HS6ST3: variants seen among roughly 807,000 people sequenced by gnomAD.
HS6ST3 encodes the protein heparan sulfate 6-O-sulfotransferase 3.
A neutral mutation model predicts 36.7 loss-of-function variants in HS6ST3; 12 were observed. The observed-to-expected ratio is 0.33, with a 90% CI of 0.21 to 0.53. The LOEUF (loss-of-function observed/expected upper bound fraction) is 0.53. Ranked by LOEUF, HS6ST3 falls within the 20% of genes least tolerant of loss-of-function variation. The pLI, the probability that HS6ST3 is intolerant of heterozygous loss-of-function variation, is 0.95. For missense variants in HS6ST3, 584 were observed against 640.9 expected (o/e 0.91, Z 0.96); for synonymous variants, 240 against 257.5 (o/e 0.93, Z 0.65).
chr13:96,347,857 C>T (rs950282989), intron 1 of HS6ST3, among the ~76,000 whole-genome samples: 3 of 152,170 alleles, frequency 2.0e-5, no homozygotes, highest in East Asian at 1.9e-4. Context: ...CTGAGTACGC[C>T]GCTCTGTGCT....
chr13:96,796,580 T>C (rs1011753182), intron 1 of HS6ST3, among the ~76,000 whole-genome samples: 6 of 152,236 alleles, frequency 3.9e-5, no homozygotes, highest in Admixed American at 6.5e-5. Flanking sequence ...GCTTTGGTGA[T>C]GGAGAAATAA....
rs190408322 is a variant in HS6ST3 at position 96,586,233 on chromosome 13, G to A, written c.708-246257G>A. Among the ~76,000 whole-genome samples, 3 of 151,766 alleles carry A rather than the reference G, an allele frequency of 2.0e-5. No individual in the cohort carries two copies. The East Asian group carries it at 5.8e-4, about 29-fold the overall frequency. ...TGGAGTAAAAAGATATCTTATTATG[G>A]CTTTGATTTAAATTTCCCTGATTAG... is the stretch of plus-strand genomic sequence containing the variant. On this transcript the variant is annotated intron_variant, in intron 1 of 1. Coordinates refer to ENST00000376705, the MANE Select transcript of HS6ST3 (RefSeq NM_153456.4).
chr13:96,595,178 T>C (rs935559475), intron 1 of HS6ST3, among the ~76,000 whole-genome samples: 3 of 152,162 alleles, frequency 2.0e-5, no homozygotes, highest in Non-Finnish European at 2.9e-5. Context: ...CCTGAGTGGC[T>C]GAAACTACAG....
rs115870354 is a variant in HS6ST3 at position 96,739,080 on chromosome 13, C to T, written c.708-93410C>T. On this transcript the variant is annotated intron_variant, in intron 1 of 1. Transcript: ENST00000376705. ...TTTCTTCCTTTGGCTTTCAGGACAC[C>T]GCACACATTTTTTTTTTCTTCCCCT... Among the ~76,000 whole-genome samples, 286 of 151,984 alleles carry T rather than the reference C, an allele frequency of 1.9e-3. 1 individual carries two copies. The highest frequency in any genetic ancestry group is 5.0e-3 in the African/African-American group (209 of 41,464).
At chr13:96,711,514 G>A (rs1189813392) in intron 1 of HS6ST3, among the ~76,000 whole-genome samples, 1 of 152,060 alleles carries the variant, frequency 6.6e-6, no homozygotes, top group Non-Finnish European at 1.5e-5. Context: ...TAGCATATAG[G>A]CGATTGTGAT....
intron 1 of HS6ST3, among the ~76,000 whole-genome samples, chr13:96,825,776 T>C (rs531985779): frequency 6.6e-6 from 1 of 152,218 alleles, no homozygotes; most frequent in Non-Finnish European, 1.5e-5. Flanking sequence ...AATGAACGTT[T>C]AGTGAAACAC....
At chr13:96,350,392 A>T (rs2055175809) in intron 1 of HS6ST3, among the ~76,000 whole-genome samples, 1 of 152,360 alleles carries the variant, frequency 6.6e-6, no homozygotes, top group South Asian at 2.1e-4. Flanking sequence ...AATGTTGCTC[A>T]AACCTGCTCA....
intron 1 of HS6ST3, among the ~76,000 whole-genome samples, chr13:96,107,194 TG>T (rs1177265478): frequency 6.6e-6 from 1 of 152,096 alleles, no homozygotes; most frequent in African/African-American, 2.4e-5. Flanking sequence ...GATGATAGTA[TG>T]GGGGTTGTAG....
intron 1 of HS6ST3, among the ~76,000 whole-genome samples, chr13:96,743,967 T>C (rs558089524): frequency 1.3e-5 from 2 of 152,176 alleles, no homozygotes; most frequent in South Asian, 4.1e-4. Flanking sequence ...CTTCTCTTTT[T>C]GAATTTTCAC....
rs1393562382 is a variant in HS6ST3 at position 96,837,129 on chromosome 13, AG to A, written c.*3932del. 2.6e-5 allele frequency: 4 copies of A among 152,250 alleles called. No individual in the cohort carries two copies. Among genetic ancestry groups the A allele is most frequent in the African/African-American group, 9.6e-5 (4 of 41,458 alleles). 9.4% of individuals were successfully genotyped at this position (152,250 alleles called of 1,614,324 possible). On this transcript the variant is annotated 3_prime_UTR_variant, in exon 2 of 2. Transcript: ENST00000376705. ...TAAGCATAGGAGGTTCTGTTATTAA[AG>A]AAACAATGTGAAATAATGTGGAAAT...
intron 1 of HS6ST3, among the ~76,000 whole-genome samples, chr13:96,618,271 A>C (rs2056481769): frequency 6.6e-6 from 1 of 151,882 alleles, no homozygotes; most frequent in African/African-American, 2.4e-5. Flanking sequence ...GATAATTTTA[A>C]ATTTTTTTTT....
chr13:96,569,452 A>T (rs2056293390), intron 1 of HS6ST3, among the ~76,000 whole-genome samples: 1 of 152,190 alleles, frequency 6.6e-6, no homozygotes. Context: ...TAGTACTATC[A>T]TTGATCCAGC....
chr13:96,496,116 C>T (rs2055974307), intron 1 of HS6ST3, among the ~76,000 whole-genome samples: 1 of 152,312 alleles, frequency 6.6e-6, no homozygotes, highest in East Asian at 1.9e-4. Context: ...CAGTAAAGGG[C>T]AGGAACTGTG....
At chr13:96,109,431 T>C (rs566204899) in intron 1 of HS6ST3, among the ~76,000 whole-genome samples, 1 of 152,330 alleles carries the variant, frequency 6.6e-6, no homozygotes, top group African/African-American at 2.4e-5. Flanking sequence ...TGAGATGGGC[T>C]GGAAGAAGGA....
At chr13:96,450,110 C>T (rs1032612043) in intron 1 of HS6ST3, among the ~76,000 whole-genome samples, 1 of 152,116 alleles carries the variant, frequency 6.6e-6, no homozygotes, top group Non-Finnish European at 1.5e-5. Context: ...TGGAACTTGC[C>T]CTTCTGACCT....
chr13:96,149,684 A>G (rs1273521004), intron 1 of HS6ST3, among the ~76,000 whole-genome samples: 1 of 152,234 alleles, frequency 6.6e-6, no homozygotes, highest in African/African-American at 2.4e-5. Context: ...ATCCTCCCCT[A>G]TAATGGCAGT....
chr13:96,288,557 A>G (rs1023152260), intron 1 of HS6ST3, among the ~76,000 whole-genome samples: 1 of 152,144 alleles, frequency 6.6e-6, no homozygotes, highest in African/African-American at 2.4e-5. Flanking sequence ...AAAATTCATT[A>G]CATTCCTTGA....
chr13:96,747,960 A>G (rs1354460936), intron 1 of HS6ST3, among the ~76,000 whole-genome samples: 1 of 152,126 alleles, frequency 6.6e-6, no homozygotes, highest in Non-Finnish European at 1.5e-5. Context: ...TAATTAATGC[A>G]AAAATTAAGT....
intron 1 of HS6ST3, among the ~76,000 whole-genome samples, chr13:96,629,108 T>C (rs1386488088): frequency 1.3e-5 from 2 of 152,232 alleles, no homozygotes. Context: ...TAGCATTTAC[T>C]GTGGATATGC....
Sources: allele counts gnomAD v4.1 joint callset (sites outside exome capture counted in the v4.1 genomes callset), GRCh38; gene constraint gnomAD v4.1.1; transcripts MANE v1.5; gene names NCBI Gene and HGNC (gene_info 2026-07-23, HGNC 2026-07-21).